VTI1A: variants seen among roughly 807,000 people sequenced by gnomAD.
The protein encoded by VTI1A is vesicle transport through interaction with t-SNAREs homolog 1A.
VTI1A carries 22 observed loss-of-function variants against 34.9 expected under a neutral mutation model. That is an observed-to-expected ratio of 0.63 (90% confidence interval 0.45 to 0.90). The LOEUF (loss-of-function observed/expected upper bound fraction) is 0.90. Among genes scored for constraint, VTI1A ranks in the 40% least tolerant of loss-of-function variants. VTI1A has a pLI of 0.00. For missense variants in VTI1A, 268 were observed against 275.6 expected (o/e 0.97, Z 0.20); for synonymous variants, 87 against 97.3 (o/e 0.89, Z 0.62).
chr10:112,488,058 ATAAAT>A (rs1848702706), intron 3 of VTI1A, among the ~76,000 whole-genome samples: 2 of 152,192 alleles, frequency 1.3e-5, no homozygotes, highest in African/African-American at 4.8e-5. Flanking sequence ...CATGTTATAA[ATAAAT>A]TAAAAGAGTA....
At chr10:112,623,392 T>C (rs574753881) in intron 5 of VTI1A, among the ~76,000 whole-genome samples, 18 of 152,058 alleles carry the variant, frequency 1.2e-4, no homozygotes, top group South Asian at 1.0e-3. Context: ...TATGTATATA[T>C]ACGTAGATAT....
At chr10:112,849,333 G>A in the VTI1A span, among the ~76,000 whole-genome samples, 3 of 152,200 alleles carry the variant, frequency 2.0e-5, no homozygotes, top group Non-Finnish European at 2.9e-5. Context: ...CATTCATCCC[G>A]CAGTGGGGCT....
intron 7 of VTI1A, among the ~76,000 whole-genome samples, chr10:112,733,968 T>C (rs1850364095): frequency 6.6e-6 from 1 of 152,030 alleles, no homozygotes; most frequent in Non-Finnish European, 1.5e-5. Context: ...GTCAGACTGG[T>C]CTCGAACTCC....
intron 7 of VTI1A, among the ~76,000 whole-genome samples, chr10:112,811,007 A>G (rs1853267244): frequency 6.6e-6 from 1 of 152,226 alleles, no homozygotes; most frequent in South Asian, 2.1e-4. Context: ...AAATACATGA[A>G]ACCAGAGCCT....
chr10:112,511,433 A>T (rs1325415279), intron 3 of VTI1A, among the ~76,000 whole-genome samples: 1 of 151,928 alleles, frequency 6.6e-6, no homozygotes, highest in African/African-American at 2.4e-5. Context: ...TAGTAGAAAC[A>T]GGGTTTCACC....
intron 5 of VTI1A, among the ~76,000 whole-genome samples, chr10:112,551,387 C>G (rs1429949828): frequency 6.6e-6 from 1 of 151,312 alleles, no homozygotes; most frequent in Admixed American, 6.6e-5. Context: ...AATTATTAGG[C>G]TCTAAGAAAT....
intron 7 of VTI1A, among the ~76,000 whole-genome samples, chr10:112,741,175 G>A (rs1002730367): frequency 1.6e-4 from 24 of 152,176 alleles, no homozygotes; most frequent in Non-Finnish European, 2.8e-4. Flanking sequence ...CTATTAATGG[G>A]CCAGGCACGG....
At chr10:112,646,806 C>T (rs896424707) in intron 5 of VTI1A, among the ~76,000 whole-genome samples, 17 of 152,122 alleles carry the variant, frequency 1.1e-4, no homozygotes, top group African/African-American at 2.4e-4. Flanking sequence ...CCACCGCGCC[C>T]GGCTACCATG....
chr10:112,640,288 T>G (rs1313502631), intron 5 of VTI1A, among the ~76,000 whole-genome samples: 1 of 152,212 alleles, frequency 6.6e-6, no homozygotes, highest in Non-Finnish European at 1.5e-5. Flanking sequence ...TATCTATCTA[T>G]GAAGCATAAA....
At chr10:112,515,337 G>A (rs955264112) in intron 3 of VTI1A, among the ~76,000 whole-genome samples, 6 of 151,944 alleles carry the variant, frequency 3.9e-5, no homozygotes, top group Admixed American at 3.9e-4. Flanking sequence ...ATATTGATGA[G>A]TAGACATATT....
chr10:112,487,606 A>T (rs1848688338), intron 3 of VTI1A, among the ~76,000 whole-genome samples: 1 of 152,132 alleles, frequency 6.6e-6, no homozygotes, highest in Non-Finnish European at 1.5e-5. Context: ...TGTTATGTAC[A>T]GTTGCTTCAC....
intron 1 of VTI1A, among the ~76,000 whole-genome samples, chr10:112,451,125 C>G (rs777156307): frequency 2.6e-5 from 4 of 152,172 alleles, no homozygotes; most frequent in Non-Finnish European, 5.9e-5. Flanking sequence ...GATTCAGATT[C>G]AGACATGACA....
intron 7 of VTI1A, among the ~76,000 whole-genome samples, chr10:112,747,998 G>A (rs1259116970): frequency 1.3e-5 from 2 of 152,224 alleles, no homozygotes; most frequent in East Asian, 1.9e-4. Flanking sequence ...GGGTCAAGGC[G>A]ACAACAGGGA....
intron 4 of VTI1A, among the ~76,000 whole-genome samples, chr10:112,528,747 A>G (rs1850327887): frequency 1.3e-5 from 2 of 152,274 alleles, no homozygotes; most frequent in East Asian, 1.9e-4. Context: ...TTAAACAGCT[A>G]TAGATCTTTC....
At chr10:112,552,798 A>C (rs1031773637) in intron 5 of VTI1A, among the ~76,000 whole-genome samples, 2 of 152,156 alleles carry the variant, frequency 1.3e-5, no homozygotes, top group East Asian at 3.8e-4. Flanking sequence ...TGCACACCCC[A>C]TATAGTTCTT....
chr10:112,534,627 T>C (rs1850558100), intron 4 of VTI1A, among the ~76,000 whole-genome samples: 1 of 152,130 alleles, frequency 6.6e-6, no homozygotes, highest in Non-Finnish European at 1.5e-5. Context: ...AAAGTAATAA[T>C]GATATATAAA....
rs1181090787 is a variant in VTI1A at position 112,736,109 on chromosome 10, G to GTATATATATATATATATA, written c.560+67112_560+67113insATATATATATATATATAT. On this transcript the variant is annotated intron_variant, in intron 7 of 7. Transcript: ENST00000393077. ...GTATATTTTACATATATATGTGTGT[G>GTATATATATATATATATA]TGTATATATATATATATATATATAT... is the stretch of plus-strand genomic sequence containing the variant. Among the ~76,000 whole-genome samples the GTATATATATATATATATA allele has an allele frequency of 2.4e-3, 282 of 116,734 alleles. 4 individuals carry two copies. The highest frequency in any genetic ancestry group is 4.2e-3 in the Middle Eastern group (1 of 238). 76.6% of individuals were successfully genotyped at this position (116,734 alleles called of 152,430 possible).
intron 7 of VTI1A, among the ~76,000 whole-genome samples, chr10:112,782,815 G>A (rs188502625): frequency 6.6e-6 from 1 of 152,090 alleles, no homozygotes; most frequent in Admixed American, 6.5e-5. Context: ...TACTGGGGGG[G>A]ATTCCAGCTT....
At chr10:112,576,432 T>C (rs187259533) in intron 5 of VTI1A, among the ~76,000 whole-genome samples, 2 of 152,232 alleles carry the variant, frequency 1.3e-5, no homozygotes, top group Non-Finnish European at 2.9e-5. Flanking sequence ...GGCACTGTGC[T>C]AACATTCAGG....
Sources: gnomAD v4.1 joint callset for allele counts (sites outside exome capture counted in the v4.1 genomes callset) on GRCh38, gnomAD v4.1.1 for gene constraint, MANE v1.5 for transcripts, NCBI Gene and HGNC (gene_info 2026-07-23, HGNC 2026-07-21) for gene names.